The following NEGR1 variants were observed in gnomAD, a reference collection of about 807,000 sequenced individuals.
The protein encoded by NEGR1 is neuronal growth regulator 1.
Under a neutral mutation model 40.9 loss-of-function variants are expected in NEGR1, and 10 were observed. That is an observed-to-expected ratio of 0.24 (90% CI 0.15 to 0.42). The LOEUF is 0.42. Ranked by LOEUF, NEGR1 falls within the 10% of genes least tolerant of loss-of-function variation. The pLI is 1.00. For synonymous variants in NEGR1, 185 were observed against 166.8 expected (o/e 1.11, Z -0.84); for missense variants, 352 against 438.9 (o/e 0.80, Z 1.77).
chr1:71,855,473 T>C (rs1290887349), intron 2 of NEGR1, among the ~76,000 whole-genome samples: 2 of 152,074 alleles, frequency 1.3e-5, no homozygotes, highest in Non-Finnish European at 2.9e-5. Flanking sequence ...ATTTAACTTC[T>C]AGAAGAAAAA....
intron 6 of NEGR1, among the ~76,000 whole-genome samples, chr1:71,584,044 C>A (rs1328694012): frequency 6.6e-6 from 1 of 152,126 alleles, no homozygotes; most frequent in African/African-American, 2.4e-5. Flanking sequence ...AAATGCCTGG[C>A]CAGAGCATAG....
chr1:72,070,575 T>G (rs1647420179), intron 1 of NEGR1, among the ~76,000 whole-genome samples: 1 of 152,086 alleles, frequency 6.6e-6, no homozygotes, highest in Admixed American at 6.6e-5. Context: ...TAAACTCATC[T>G]TTTTGATAAA....
At position 71,724,019 on chromosome 1, in the gene NEGR1, A is replaced by G. The variant is rs553950342; in HGVS notation, c.536-25880T>C. On this transcript the variant is annotated intron_variant, in intron 3 of 6. Coordinates refer to ENST00000357731, the MANE Select transcript of NEGR1 (RefSeq NM_173808.3). ...TCCTCTCACCAGGCTTATGGTTTTC[A>G]TCAAATTTGGAAAATTTTCTATCTA... Among the ~76,000 whole-genome samples, 22 of 152,264 alleles carry G rather than the reference A, an allele frequency of 1.4e-4. No homozygotes were observed. In the South Asian group the frequency reaches 3.9e-3, roughly 27 times the overall value.
chr1:72,147,131 G>A (rs1205406410), intron 1 of NEGR1, among the ~76,000 whole-genome samples: 1 of 152,082 alleles, frequency 6.6e-6, no homozygotes, highest in African/African-American at 2.4e-5. Context: ...GTCATATAAG[G>A]CAATAAAAAT....
At chr1:71,566,986 C>T (rs907183469) in intron 6 of NEGR1, among the ~76,000 whole-genome samples, 12 of 152,074 alleles carry the variant, frequency 7.9e-5, no homozygotes, top group African/African-American at 2.7e-4. Flanking sequence ...TCCCAAAGGG[C>T]CTACTCCTAA....
intron 1 of NEGR1, among the ~76,000 whole-genome samples, chr1:72,058,854 T>C (rs945562636): frequency 6.6e-5 from 10 of 151,726 alleles, no homozygotes; most frequent in Non-Finnish European, 8.9e-5. Context: ...ATTCCTTTCA[T>C]GCACTTTTGT....
At chr1:71,510,745 A>C (rs1356785619) in intron 6 of NEGR1, among the ~76,000 whole-genome samples, 1 of 152,204 alleles carries the variant, frequency 6.6e-6, no homozygotes, top group African/African-American at 2.4e-5. Flanking sequence ...TATCTGCTCC[A>C]GGTGTGCCTG....
intron 1 of NEGR1, among the ~76,000 whole-genome samples, chr1:72,070,997 C>A (rs1469532319): frequency 6.6e-6 from 1 of 151,952 alleles, no homozygotes; most frequent in East Asian, 1.9e-4. Flanking sequence ...GTTTGCATTT[C>A]TTTTATGTAG....
chr1:71,845,727 C>CTATG, intron 2 of NEGR1, among the ~76,000 whole-genome samples: 1 of 151,384 alleles, frequency 6.6e-6, no homozygotes, highest in African/African-American at 2.4e-5. Context: ...ATCTATCTAT[C>CTATG]TATCTATCTA....
chr1:71,493,353 T>C (rs1459374454), intron 6 of NEGR1, among the ~76,000 whole-genome samples: 1 of 152,130 alleles, frequency 6.6e-6, no homozygotes, highest in African/African-American at 2.4e-5. Context: ...TACTTATTGA[T>C]GGGAAGCCCA....
chr1:71,597,134 C>T (rs950396286), intron 5 of NEGR1, among the ~76,000 whole-genome samples: 1 of 152,028 alleles, frequency 6.6e-6, no homozygotes, highest in African/African-American at 2.4e-5. Context: ...AAAGATACAG[C>T]TCAAATTAAA....
At chr1:72,278,029 A>C (rs1209680088) in intron 1 of NEGR1, among the ~76,000 whole-genome samples, 1 of 152,156 alleles carries the variant, frequency 6.6e-6, no homozygotes, top group Non-Finnish European at 1.5e-5. Context: ...CAAATAGGAT[A>C]AGCAATAATA....
intron 1 of NEGR1, among the ~76,000 whole-genome samples, chr1:72,133,774 A>ATAATTAAT (rs964157242): frequency 6.6e-6 from 1 of 151,512 alleles, no homozygotes; most frequent in African/African-American, 2.4e-5. Flanking sequence ...TATAGAAAAA[A>ATAATTAAT]TAATTAATTA....
chr1:71,484,874 C>G (rs1330804089), intron 6 of NEGR1: 1 of 151,668 alleles, frequency 6.6e-6, no homozygotes, highest in Non-Finnish European at 1.5e-5. Context: ...ACTTCCAACT[C>G]ACTAAGAGCT....
Position 71,913,281 on chromosome 1 carries a change from A to AT in NEGR1, c.409+21797dup, listed in dbSNP as rs370357974. Among the ~76,000 whole-genome samples, 1,332 of 151,922 alleles carry AT rather than the reference A, an allele frequency of 8.8e-3. 19 individuals carry two copies. The highest frequency in any genetic ancestry group is 0.031 in the African/African-American group (1,275 of 41,406). ...AGGCGCCTGCCACCACGCCCAGCTA[A>AT]TTTTTTTATTTTTAGTAGTGATGGG... On this transcript the variant is annotated intron_variant, in intron 2 of 6. Transcript: ENST00000357731.
chr1:71,835,706 G>A (rs192934816), intron 2 of NEGR1, among the ~76,000 whole-genome samples: 11 of 152,188 alleles, frequency 7.2e-5, no homozygotes, highest in Admixed American at 2.6e-4. Flanking sequence ...TGCAACCAAG[G>A]AAGGTATAGT....
intron 2 of NEGR1, among the ~76,000 whole-genome samples, chr1:71,856,666 A>T (rs1659776851): frequency 6.6e-6 from 1 of 152,006 alleles, no homozygotes; most frequent in Non-Finnish European, 1.5e-5. Flanking sequence ...CTACCCATCC[A>T]TTTATTCTTT....
intron 1 of NEGR1, among the ~76,000 whole-genome samples, chr1:71,978,969 G>T (rs1646331161): frequency 1.3e-5 from 2 of 152,016 alleles, no homozygotes; most frequent in Non-Finnish European, 2.9e-5. Context: ...GTCCATCAAT[G>T]CTAGACTGGA....
chr1:71,493,988 T>C (rs1412523262), intron 6 of NEGR1, among the ~76,000 whole-genome samples: 5 of 152,218 alleles, frequency 3.3e-5, no homozygotes, highest in African/African-American at 1.2e-4. Flanking sequence ...TGAAGTGACT[T>C]ATCTTTACCT....
Sources: gnomAD v4.1 joint callset for allele counts (sites outside exome capture counted in the v4.1 genomes callset) on GRCh38, gnomAD v4.1.1 for gene constraint, MANE v1.5 for transcripts, NCBI Gene and HGNC (gene_info 2026-07-23, HGNC 2026-07-21) for gene names.